HERC1: variants seen among roughly 807,000 people sequenced by gnomAD.
HERC1 encodes HECT and RLD domain containing E3 ubiquitin protein ligase family member 1.
HERC1 carries 160 observed loss-of-function variants against 554.3 expected under a neutral mutation model. The observed-to-expected ratio is 0.29, with a 90% CI of 0.25 to 0.33. The LOEUF (loss-of-function observed/expected upper bound fraction) is 0.33. Ranked by LOEUF, HERC1 falls within the 10% of genes least tolerant of loss-of-function variation. The probability of loss-of-function intolerance (pLI) is 1.00; values close to 1 mark genes in which losing one functional copy is unlikely to be tolerated. For missense variants in HERC1, 4,919 were observed against 5,918.5 expected, an observed-to-expected ratio of 0.83 and a Z score of 5.54; for synonymous variants, 2,175 against 2,131.7, an observed-to-expected ratio of 1.02 and a Z score of -0.56.
Position 63,659,097 on chromosome 15 carries a change from A to C in HERC1, c.9425-379T>G, listed in dbSNP as rs189977000. On this transcript the variant is annotated intron_variant, in intron 47 of 77. Transcript: ENST00000443617. ...TTTATTTTGTATTCCCTATACCAAA[A>C]ATTTACCACACCCTCTCACCCAAAT... Among the ~76,000 whole-genome samples the C allele has an allele frequency of 5.8e-4, 89 of 152,332 alleles. No homozygotes were observed. In the East Asian group the frequency reaches 0.013, roughly 22 times the overall value.
chr15:63,801,116 GCCCC>G (rs1479283995), intron 1 of HERC1, among the ~76,000 whole-genome samples: 1 of 152,144 alleles, frequency 6.6e-6, no homozygotes, highest in African/African-American at 2.4e-5. Context: ...GAAACTCCAT[GCCCC>G]TACCCCCTGT....
intron 22 of HERC1, among the ~76,000 whole-genome samples, chr15:63,715,815 GC>G (rs1423653931): frequency 6.6e-6 from 1 of 152,184 alleles, no homozygotes; most frequent in Non-Finnish European, 1.5e-5. Context: ...CCAGTCAATA[GC>G]AGTCTCATGT....
At chr15:63,728,144 C>CA (rs201261137) in intron 16 of HERC1, among the ~76,000 whole-genome samples, 2,014 of 152,198 alleles carry the variant, frequency 0.013, 23 homozygotes, top group East Asian at 0.023. Context: ...ATAATTTACT[C>CA]AAGAAATATT....
At chr15:63,762,564 A>T (rs2075646932) in intron 3 of HERC1, among the ~76,000 whole-genome samples, 1 of 152,094 alleles carries the variant, frequency 6.6e-6, no homozygotes, top group Admixed American at 6.6e-5. Flanking sequence ...ACCTCAGGTA[A>T]TCCACCCACC....
Position 63,614,244 on chromosome 15 carries a change from C to T in HERC1, c.14094+1524G>A, listed in dbSNP as rs371464139. Among the ~76,000 whole-genome samples, 66 of 152,322 alleles carry T rather than the reference C, an allele frequency of 4.3e-4. 1 individual carries two copies. In the East Asian group the frequency reaches 0.011, roughly 25 times the overall value. ...AGAAGGGTCATCAGAAAAGCCTGGA[C>T]ACCATCTTAGAGCCTGGTTTGGGGT... is the stretch of plus-strand genomic sequence containing the variant. On this transcript the variant is annotated intron_variant, in intron 76 of 77. Coordinates refer to ENST00000443617, the MANE Select transcript of HERC1 (RefSeq NM_003922.4).
intron 12 of HERC1, among the ~76,000 whole-genome samples, chr15:63,740,307 G>A (rs572191061): frequency 1.1e-4 from 17 of 152,254 alleles, no homozygotes; most frequent in South Asian, 2.1e-4. Flanking sequence ...ATGAATATAC[G>A]AAATTTTGTT....
chr15:63,737,107 A>C (rs1053106218), intron 12 of HERC1, among the ~76,000 whole-genome samples: 7 of 152,090 alleles, frequency 4.6e-5, no homozygotes, highest in East Asian at 1.9e-4. Context: ...GAACACTTCC[A>C]GAATGAAGAG....
At position 63,741,678 on chromosome 15, in the gene HERC1, T is replaced by C. The variant is rs143717447; in HGVS notation, c.2520+5240A>G. Reference sequence around the variant, plus strand: ...TCCACTTTAATTTTTTTGTATATGATGTAAGGGGCCAACTTCATTCTTTTG... The same window carrying C: ...TCCACTTTAATTTTTTTGTATATGACGTAAGGGGCCAACTTCATTCTTTTG... On this transcript the variant is annotated intron_variant, in intron 12 of 77. Transcript: ENST00000443617. Among the ~76,000 whole-genome samples the C allele has an allele frequency of 1.1e-3, 172 of 152,320 alleles. 1 individual carries two copies. Among genetic ancestry groups the C allele is most frequent in the African/African-American group, 3.9e-3 (163 of 41,576 alleles).
chr15:63,655,926 A>T lies in HERC1; in HGVS notation c.9900T>A (p.Asn3300Lys), dbSNP rs781291104. 17 of 1,612,908 alleles carry T rather than the reference A, an allele frequency of 1.1e-5. No individual in the cohort carries two copies. Among genetic ancestry groups the T allele is most frequent in the Non-Finnish European group, 1.4e-5 (16 of 1,179,484 alleles). ...GAATTGAGTCATCAACTGTGGTTAGATTTACACCTGTTGCAGCAGAAATCA... is the reference window on the plus strand; with the variant it reads ...GAATTGAGTCATCAACTGTGGTTAGTTTTACACCTGTTGCAGCAGAAATCA... ...QNLISAATGV[N>K]LTTVDDSIQR... The change falls in exon 50 of 78, where the codon AAT becomes AAA. Residue 3300 changes from asparagine (N) to lysine (K), a missense_variant. Asn to Lys is a moderately conservative substitution (Grantham distance 94, BLOSUM62 0). This residue lies in a region of HERC1 where 1,963 missense variants were observed against 2,228.6 expected (regional missense o/e 0.88). Coordinates refer to ENST00000443617, the MANE Select transcript of HERC1 (RefSeq NM_003922.4).
At chr15:63,812,296 T>C (rs573822179) in intron 1 of HERC1, among the ~76,000 whole-genome samples, 5 of 152,296 alleles carry the variant, frequency 3.3e-5, no homozygotes, top group Admixed American at 2.0e-4. Context: ...AACCCACATT[T>C]CCATTGTTTC....
Position 63,747,721 on chromosome 15 carries a change from T to C in HERC1, c.2354+3A>G, listed in dbSNP as rs781491672. ...AAAGATACAAAACATACATATAACA[T>C]ACCTTGATGAAGGGAAAGGGAGTGG... On this transcript the variant is annotated splice_donor_region_variant and intron_variant, in intron 11 of 77. Transcript: ENST00000443617. The C allele has an allele frequency of 4.6e-6, 7 of 1,524,966 alleles. No homozygotes were observed. The highest frequency in any genetic ancestry group is 3.6e-6 in the Non-Finnish European group (4 of 1,123,748). 94.5% of individuals were successfully genotyped at this position (1,524,966 alleles called of 1,614,324 possible).
At position 63,737,429 on chromosome 15, in the gene HERC1, TATATATATATATATCTTTTTTCCAG is replaced by T. The variant is rs1319490750; in HGVS notation, c.2521-2605_2521-2581del. On this transcript the variant is annotated intron_variant, in intron 12 of 77. Transcript: ENST00000443617. ...TATATATATATATCTTTTTTCCAGATATATATATATATATCTTTTTTCCAGATATATATATATATATCTTTTTTCC... is the reference window on the plus strand; with the variant it reads ...TATATATATATATCTTTTTTCCAGATATATATATATATATATCTTTTTTCC... Among the ~76,000 whole-genome samples the T allele has an allele frequency of 2.8e-4, 35 of 122,892 alleles. 2 individuals are homozygous for T. The highest frequency in any genetic ancestry group is 7.8e-4 in the African/African-American group (24 of 30,586). The allele number at this position is 122,892 out of a possible 152,430, so 80.6% of individuals were successfully genotyped here.
At chr15:63,779,343 T>C (rs772009611) in intron 1 of HERC1, among the ~76,000 whole-genome samples, 2 of 151,918 alleles carry the variant, frequency 1.3e-5, no homozygotes, top group Non-Finnish European at 2.9e-5. Flanking sequence ...AAAGATAAAA[T>C]CCTAAAGACC....
At position 63,697,663 on chromosome 15, in the gene HERC1, G is replaced by A. The variant is rs543437106; in HGVS notation, c.4905+1065C>T. ...AGAGATGGGGTTTCACCACGCTGGT[G>A]AGGCTGGTTTCAAACTCCTGATCTC... On this transcript the variant is annotated intron_variant, in intron 26 of 77. Transcript: ENST00000443617. Among the ~76,000 whole-genome samples the A allele has an allele frequency of 1.6e-3, 244 of 152,106 alleles. 1 individual carries two copies. In the Middle Eastern group the frequency reaches 0.017, roughly 11 times the overall value.
chr15:63,669,516 T>C (rs576457836), intron 40 of HERC1, 22 bp downstream of exon 40: 4 of 1,610,384 alleles, frequency 2.5e-6, no homozygotes, highest in Non-Finnish European at 2.5e-6. Flanking sequence ...TTGGATATCA[T>C]AGTGCATATC....
chr15:63,668,951 C>A (rs2070772714), intron 40 of HERC1, among the ~76,000 whole-genome samples: 1 of 152,146 alleles, frequency 6.6e-6, no homozygotes, highest in African/African-American at 2.4e-5. Flanking sequence ...GAACACTCAA[C>A]AACAGCACAA....
At chr15:63,814,850 C>T (rs946364178) in intron 1 of HERC1, among the ~76,000 whole-genome samples, 2 of 152,200 alleles carry the variant, frequency 1.3e-5, no homozygotes, top group African/African-American at 4.8e-5. Flanking sequence ...CTGTCTACGT[C>T]TCAAAATTGT....
chr15:63,637,046 T>C (rs1029722108), intron 64 of HERC1: 3 of 444,626 alleles, frequency 6.7e-6, no homozygotes, highest in Non-Finnish European at 1.3e-5. Context: ...GTTCAGTTAA[T>C]GAGCAAGCCG....
At chr15:63,712,988 C>T in intron 23 of HERC1, 93 bp from the exon 24 acceptor site, 1 of 1,188,414 alleles carries the variant, frequency 8.4e-7, no homozygotes, top group Non-Finnish European at 1.2e-6. Context: ...ATAATATACA[C>T]ACACAGGGAG....
Sources: allele counts gnomAD v4.1 joint callset (sites outside exome capture counted in the v4.1 genomes callset), GRCh38; gene constraint gnomAD v4.1.1; regional missense constraint gnomAD v4.1.1; transcripts MANE v1.5; gene names NCBI Gene and HGNC (gene_info 2026-07-23, HGNC 2026-07-21).